Variants in SNX4 observed in about 807,000 individuals in gnomAD.
The protein encoded by SNX4 is sorting nexin-4.
A neutral mutation model predicts 70.8 loss-of-function variants in SNX4; 49 were observed. The observed-to-expected ratio is 0.69, with a 90% CI of 0.55 to 0.88. The LOEUF is 0.88. Ranked by LOEUF, SNX4 falls within the 40% of genes least tolerant of loss-of-function variation. SNX4 has a pLI of 0.00. For missense variants in SNX4, 528 were observed against 544.8 expected (o/e 0.97, Z 0.31); for synonymous variants, 206 against 183.8 (o/e 1.12, Z -0.98).
chr3:125,458,241 C>T (rs573745970), intron 10 of SNX4, among the ~76,000 whole-genome samples: 2 of 148,814 alleles, frequency 1.3e-5, no homozygotes, highest in South Asian at 2.1e-4. Context: ...GGTGCAATCT[C>T]GGCTAAATGC....
intron 9 of SNX4, among the ~76,000 whole-genome samples, chr3:125,465,267 CAG>C (rs1933984377): frequency 6.7e-6 from 1 of 149,276 alleles, no homozygotes; most frequent in Non-Finnish European, 1.5e-5. Context: ...GAGGTGGGGA[CAG>C]AGTTTCACTC....
chr3:125,512,676 G>A (rs114330754), intron 1 of SNX4, among the ~76,000 whole-genome samples: 2,138 of 152,122 alleles, frequency 0.014, 40 homozygotes, highest in African/African-American at 0.047. Flanking sequence ...AATATTATGC[G>A]TAGAGAAGAG....
chr3:125,506,804 G>A (rs1266931201), intron 1 of SNX4, among the ~76,000 whole-genome samples: 1 of 37,180 alleles, frequency 2.7e-5, no homozygotes, highest in Admixed American at 4.5e-4. Context: ...CTTAAAGAAA[G>A]ATGTGGAGAA....
At chr3:125,454,214 C>T (rs1464998882) in intron 11 of SNX4, among the ~76,000 whole-genome samples, 1 of 152,168 alleles carries the variant, frequency 6.6e-6, no homozygotes, top group African/African-American at 2.4e-5. Flanking sequence ...CAGGGGGTCC[C>T]CAACCCCAGA....
intron 8 of SNX4, among the ~76,000 whole-genome samples, chr3:125,472,536 A>C (rs1934199370): frequency 6.6e-6 from 1 of 152,226 alleles, no homozygotes; most frequent in Non-Finnish European, 1.5e-5. Context: ...ACTTTTAAAA[A>C]TAAATATTAA....
At chr3:125,512,491 T>TA (rs371726109) in intron 1 of SNX4, among the ~76,000 whole-genome samples, 1 of 152,078 alleles carries the variant, frequency 6.6e-6, no homozygotes, top group Non-Finnish European at 1.5e-5. Context: ...GTAGATGATA[T>TA]AAAATTACTG....
chr3:125,451,490 C>A, intron 12 of SNX4, 71 bp from the exon 13 acceptor site: 1 of 1,101,526 alleles, frequency 9.1e-7, no homozygotes, highest in South Asian at 1.4e-5. Flanking sequence ...TTAACCAGTT[C>A]TCATTGGCGT....
intron 9 of SNX4, among the ~76,000 whole-genome samples, chr3:125,463,529 C>A (rs1017439936): frequency 2.0e-5 from 3 of 151,986 alleles, no homozygotes; most frequent in African/African-American, 7.2e-5. Flanking sequence ...CATTGAAATG[C>A]CAAATCAAGA....
intron 6 of SNX4, among the ~76,000 whole-genome samples, chr3:125,485,752 G>A (rs781234473): frequency 1.3e-5 from 2 of 152,136 alleles, no homozygotes; most frequent in Non-Finnish European, 2.9e-5. Context: ...ACTGTAGTCT[G>A]AGTGACTGTG....
intron 6 of SNX4, among the ~76,000 whole-genome samples, chr3:125,481,447 CT>C (rs34708524): frequency 0.19 from 26,018 of 134,618 alleles, 2,013 homozygotes; most frequent in Admixed American, 0.24. Flanking sequence ...TTCCTGAAAT[CT>C]TTTTTTTTTT....
intron 8 of SNX4, among the ~76,000 whole-genome samples, chr3:125,474,897 C>T (rs988893458): frequency 6.6e-6 from 1 of 152,032 alleles, no homozygotes; most frequent in Admixed American, 6.6e-5. Context: ...AGCATTGTTC[C>T]CAAGCTTAAT....
chr3:125,491,411 T>C (rs1285461174), intron 5 of SNX4, among the ~76,000 whole-genome samples: 2 of 152,214 alleles, frequency 1.3e-5, no homozygotes. Flanking sequence ...TTCTTGAATC[T>C]CATGCTTTTT....
intron 6 of SNX4, 68 bp from the exon 7 acceptor site, chr3:125,480,387 A>G (rs1269569111): frequency 2.1e-6 from 2 of 967,190 alleles, no homozygotes; most frequent in Admixed American, 5.3e-5. Flanking sequence ...TGAAAGAAAA[A>G]AACAGTAGTT....
chr3:125,450,160 T>C (rs371824676), intron 13 of SNX4, among the ~76,000 whole-genome samples: 23 of 152,188 alleles, frequency 1.5e-4, no homozygotes, highest in African/African-American at 4.8e-4. Flanking sequence ...GGTGACAGAA[T>C]GAAGGCAAAA....
chr3:125,461,237 GACAA>G (rs572412029), intron 9 of SNX4, among the ~76,000 whole-genome samples: 136 of 151,920 alleles, frequency 9.0e-4, no homozygotes, highest in Middle Eastern at 3.4e-3. Context: ...AAAACAAACA[GACAA>G]ACAAACAAAC....
chr3:125,517,975 C>CA (rs1301584757), intron 1 of SNX4, among the ~76,000 whole-genome samples: 9 of 148,086 alleles, frequency 6.1e-5, no homozygotes, highest in East Asian at 4.0e-4. Context: ...AGAGACTGCT[C>CA]AAAAAAAAAG....
chr3:125,463,264 G>C (rs1204666515), intron 9 of SNX4, among the ~76,000 whole-genome samples: 1 of 152,116 alleles, frequency 6.6e-6, no homozygotes, highest in Non-Finnish European at 1.5e-5. Flanking sequence ...TATGTGACTG[G>C]AAAAAAGTCT....
chr3:125,452,166 C>T (rs1189057225), intron 12 of SNX4, among the ~76,000 whole-genome samples: 1 of 151,442 alleles, frequency 6.6e-6, no homozygotes, highest in African/African-American at 2.4e-5. Flanking sequence ...AGTGCAGAGG[C>T]GTGATCTTGG....
At chr3:125,508,395 G>A (rs549990539) in intron 1 of SNX4, among the ~76,000 whole-genome samples, 19 of 152,038 alleles carry the variant, frequency 1.2e-4, no homozygotes, top group East Asian at 9.7e-4. Context: ...GTGAAACCCC[G>A]TCACTACTAA....
Sources: gnomAD v4.1 joint callset for allele counts (sites outside exome capture counted in the v4.1 genomes callset) on GRCh38, gnomAD v4.1.1 for gene constraint, MANE v1.5 for transcripts, NCBI Gene and HGNC (gene_info 2026-07-23, HGNC 2026-07-21) for gene names.